Variants in PDZD7 observed in about 807,000 individuals in gnomAD.
PDZD7 encodes PDZ domain containing 7.
PDZD7 carries 72 observed loss-of-function variants against 84.7 expected under a neutral mutation model. The ratio of observed to expected loss-of-function variants is 0.85; its 90% CI spans 0.70 to 1.03. The LOEUF (loss-of-function observed/expected upper bound fraction) is 1.03, where lower values mean the gene tolerates loss of function less well. Ranked by LOEUF, PDZD7 falls within the 50% of genes least tolerant of loss-of-function variation. PDZD7 has a pLI of 0.00. For synonymous variants in PDZD7, 594 were observed against 580.7 expected (o/e 1.02, Z -0.33); for missense variants, 1,490 against 1,412.9 (o/e 1.05, Z -0.87).
At chr10:101,021,680 G>T in intron 6 of PDZD7, 118 bp downstream of exon 6, 1 of 1,472,596 alleles carries the variant, frequency 6.8e-7, no homozygotes, top group Non-Finnish European at 9.5e-7. Context: ...AACAATGCCT[G>T]TCTACCTTCT....
rs1235084343 is a variant in PDZD7, at chr10:101,018,301, A to G, written c.1325-5T>C. 3 of 1,613,314 alleles carry G rather than the reference A, an allele frequency of 1.9e-6. No individual in the cohort carries two copies. The highest frequency in any genetic ancestry group is 1.1e-5 in the South Asian group (1 of 91,042). ...TCTTCCGCTGCTGCTTCTCCTCTGC[A>G]GACACGAGGGAGCAACGGGGGAGCT... On this transcript the variant is annotated splice_region_variant and splice_polypyrimidine_tract_variant and intron_variant, in intron 8 of 16. Transcript: ENST00000619208.
At chr10:101,012,504 G>T (rs2134007237) in intron 11 of PDZD7, among the ~76,000 whole-genome samples, 1 of 152,316 alleles carries the variant, frequency 6.6e-6, no homozygotes, top group South Asian at 2.1e-4. Context: ...CTTTGGGACA[G>T]ACACTTTTCT....
chr10:101,020,165 C>T (rs1409570051), intron 7 of PDZD7, among the ~76,000 whole-genome samples: 1 of 152,018 alleles, frequency 6.6e-6, no homozygotes. Context: ...GGCTGGAGTG[C>T]AATGGCATCT....
chr10:101,022,061 C>T, intron 5 of PDZD7, 116 bp from the exon 6 acceptor site: 1 of 1,559,162 alleles, frequency 6.4e-7, no homozygotes, highest in Non-Finnish European at 8.7e-7. Flanking sequence ...GACCCTCCTA[C>T]TGGGGCCTCC....
Position 101,030,079 on chromosome 10 carries a change from T to C in PDZD7, c.141A>G (p.Gln47=), listed in dbSNP as rs1204532161. The change falls in exon 2 of 17, where the codon CAA becomes CAG. Residue 47 remains glutamine (Q), a synonymous_variant. Coordinates refer to ENST00000619208, the MANE Select transcript of PDZD7 (RefSeq NM_001195263.2). The part of the protein sequence containing the change: ...STATRYLLRK[Q]QRLLNGPPRG... ...GGGGGGGCCCGTTCAGCAGCCGTTG[T>C]TGCTTCCTTAGCAGGTATCGCGTTG... The C allele has an allele frequency of 6.2e-7, 1 of 1,614,198 alleles. No homozygotes were observed. Among genetic ancestry groups the C allele is most frequent in the South Asian group, 1.1e-5 (1 of 91,088 alleles).
chr10:101,022,346 G>C lies in PDZD7; in HGVS notation c.582C>G (p.Cys194Trp). The change falls in exon 5 of 17, where the codon TGC becomes TGG. Residue 194 changes from cysteine to tryptophan, a missense_variant. Coordinates refer to ENST00000619208, the MANE Select transcript of PDZD7 (RefSeq NM_001195263.2). ...VVNRRLVVEK[C>W]GSTPSDTSSE... is the part of the protein sequence containing the mutation. ...AGCTGGTGTCGGAGGGTGTTGAACC[G>C]CACTTCTCCACTACCAGGCGCCGAT... The C allele has an allele frequency of 6.2e-7, 1 of 1,614,140 alleles. No homozygotes were observed. The highest frequency in any genetic ancestry group is 8.5e-7 in the Non-Finnish European group (1 of 1,180,038).
Position 101,023,424 on chromosome 10 carries a change from G to A in PDZD7, c.542+12C>T. On this transcript the variant is annotated intron_variant, in intron 4 of 16. Transcript: ENST00000619208. ...GCAAGGCCAGGGCTAGGATGAGGGA[G>A]TTGCTGCTCACCACGTGGTCTTCTC... The A allele has an allele frequency of 6.2e-7, 1 of 1,614,022 alleles. No homozygotes were observed.
At chr10:101,011,532 T>C (rs1852392560) in intron 14 of PDZD7, 158 bp downstream of exon 14, 2 of 1,439,624 alleles carry the variant, frequency 1.4e-6, no homozygotes, top group Non-Finnish European at 1.8e-6. Context: ...GCAGATGTGA[T>C]AAAATGGCTC....
At position 101,012,018 on chromosome 10, in the gene PDZD7, T is replaced by C; in HGVS notation, c.1842-2A>G. 6.5e-7 allele frequency: 1 copy of C among 1,549,780 alleles called. No homozygotes were observed. Among genetic ancestry groups the C allele is most frequent in the South Asian group, 1.2e-5 (1 of 84,036 alleles). On this transcript the variant is annotated splice_acceptor_variant, in intron 12 of 16. Transcript: ENST00000619208. LOFTEE classifies it high-confidence loss of function. ...AGGTCTGTGGGGGCCACCACACTCC[T>C]GGGAGAGGGCGAGAGACAGCAGGGG... is the stretch of plus-strand genomic sequence containing the variant.
chr10:101,018,953 C>G lies in PDZD7; in HGVS notation c.1193G>C (p.Arg398Pro). ...PTVILRDTAI[R>P]SDGPHPGRRL... is the part of the protein sequence containing the mutation. ...GCGGCCGGGATGGGGGCCGTCCGAGCGGATGGCGGTGTCCCTGAGGATGAC... is the reference window on the plus strand; with the variant it reads ...GCGGCCGGGATGGGGGCCGTCCGAGGGGATGGCGGTGTCCCTGAGGATGAC... The change falls in exon 8 of 17, where the codon CGC becomes CCC. Residue 398 changes from arginine to proline, a missense_variant. Coordinates refer to ENST00000619208, the MANE Select transcript of PDZD7 (RefSeq NM_001195263.2). 1.3e-6 allele frequency: 2 copies of G among 1,598,132 alleles called. No individual in the cohort carries two copies. Among genetic ancestry groups the G allele is most frequent in the East Asian group, 2.3e-5 (1 of 44,268 alleles).
At chr10:101,025,705 G>A (rs1590073115) in intron 2 of PDZD7, among the ~76,000 whole-genome samples, 5 of 150,746 alleles carry the variant, frequency 3.3e-5, no homozygotes, top group East Asian at 2.0e-4. Flanking sequence ...CCACCACCAC[G>A]CCCGGCTAAT....
chr10:101,010,418 C>T lies in PDZD7; in HGVS notation c.2471G>A (p.Arg824Gln). The T allele has an allele frequency of 6.5e-7, 1 of 1,536,138 alleles. No homozygotes were observed. The highest frequency in any genetic ancestry group is 1.2e-5 in the South Asian group (1 of 84,066). Reference sequence around the variant, plus strand: ...CTTGGCTGCCTCCCCATCCAGAGGTCGTGGCAGAGGGGGTCTGGCCTTCCG... The same window carrying T: ...CTTGGCTGCCTCCCCATCCAGAGGTTGTGGCAGAGGGGGTCTGGCCTTCCG... ...KPRKARPPLP[R>Q]PLDGEAAKVG... is the part of the protein sequence containing the mutation. The change falls in exon 15 of 17, where the codon CGA (arginine) becomes CAA (glutamine). Residue 824 changes from arginine (R) to glutamine (Q), a missense_variant. Coordinates refer to ENST00000619208, the MANE Select transcript of PDZD7 (RefSeq NM_001195263.2).
At chr10:101,010,203 C>T in intron 15 of PDZD7, 69 bp downstream of exon 15, 5 of 1,456,972 alleles carry the variant, frequency 3.4e-6, no homozygotes, top group Non-Finnish European at 3.6e-6. Context: ...CCCAATACTC[C>T]TCCAGATTCT....
At position 101,009,358 on chromosome 10, in the gene PDZD7, CAG is replaced by C. The variant is rs1252980236; in HGVS notation, c.2618-10_2618-9del. 1 of 1,533,250 alleles carries C rather than the reference CAG, an allele frequency of 6.5e-7. No homozygotes were observed. The highest frequency in any genetic ancestry group is 2.0e-5 in the Admixed American group (1 of 50,988). The allele number at this position is 1,533,250 out of a possible 1,614,324, so 95.0% of individuals were successfully genotyped here. On this transcript the variant is annotated splice_polypyrimidine_tract_variant and intron_variant, in intron 15 of 16. Coordinates refer to ENST00000619208, the MANE Select transcript of PDZD7 (RefSeq NM_001195263.2). ...CCCCAGAAATGCTGATACCTAGTGA[CAG>C]GGAGAAACACCGTGTGAGAGTGCAG...
intron 11 of PDZD7, among the ~76,000 whole-genome samples, chr10:101,013,129 A>G (rs1023549365): frequency 6.6e-6 from 1 of 152,228 alleles, no homozygotes; most frequent in Non-Finnish European, 1.5e-5. Flanking sequence ...AATAAATACA[A>G]TACAAATGAT....
At chr10:101,025,594 C>T (rs1026069146) in intron 2 of PDZD7, among the ~76,000 whole-genome samples, 1 of 150,728 alleles carries the variant, frequency 6.6e-6, no homozygotes, top group African/African-American at 2.5e-5. Flanking sequence ...GTCGCCCAGG[C>T]TGGACTGCAG....
chr10:101,024,506 G>T (rs934994736), intron 2 of PDZD7, among the ~76,000 whole-genome samples: 3 of 152,178 alleles, frequency 2.0e-5, no homozygotes, highest in African/African-American at 7.2e-5. Context: ...GCCTTCCAAA[G>T]TGTTGGGATT....
intron 7 of PDZD7, 120 bp from the exon 8 acceptor site, chr10:101,019,337 C>T: frequency 1.5e-6 from 2 of 1,303,558 alleles, no homozygotes; most frequent in Non-Finnish European, 2.1e-6. Flanking sequence ...AGGGTTAGAA[C>T]CGCAGTGGTG....
chr10:101,019,533 T>C (rs1852931372), intron 7 of PDZD7, among the ~76,000 whole-genome samples: 1 of 150,308 alleles, frequency 6.7e-6, no homozygotes, highest in Admixed American at 6.6e-5. Context: ...CCCTTCTGCT[T>C]CTGCTTCTGC....
Sources: allele counts gnomAD v4.1 joint callset (sites outside exome capture counted in the v4.1 genomes callset), GRCh38; gene constraint gnomAD v4.1.1; transcripts MANE v1.5; gene names NCBI Gene and HGNC (gene_info 2026-07-23, HGNC 2026-07-21).